Variants in GRIK3 observed in about 807,000 individuals in gnomAD.
GRIK3 encodes glutamate ionotropic receptor kainate type subunit 3.
GRIK3 carries 29 observed loss-of-function variants against 102.5 expected under a neutral mutation model. That is an observed-to-expected ratio of 0.28 (90% CI 0.21 to 0.39). GRIK3 has a LOEUF of 0.39. Ranked by LOEUF, GRIK3 falls within the 10% of genes least tolerant of loss-of-function variation. The probability of loss-of-function intolerance (pLI) is 1.00; values close to 1 mark genes in which losing one functional copy is unlikely to be tolerated. For missense variants in GRIK3, 908 were observed against 1,252.4 expected, an observed-to-expected ratio of 0.73 and a Z score of 4.15; for synonymous variants, 511 against 504.9, an observed-to-expected ratio of 1.01 and a Z score of -0.16.
At chr1:36,912,603 G>A (rs1557722776) in intron 1 of GRIK3, among the ~76,000 whole-genome samples, 1 of 152,038 alleles carries the variant, frequency 6.6e-6, no homozygotes, top group East Asian at 1.9e-4. Flanking sequence ...GGGGGTCCTT[G>A]ACTAAGAGCT....
intron 1 of GRIK3, among the ~76,000 whole-genome samples, chr1:36,985,443 C>T (rs1184130865): frequency 1.9e-4 from 29 of 151,436 alleles, no homozygotes; most frequent in Non-Finnish European, 2.9e-5. Context: ...ACATGGGCCT[C>T]ACAGCATGAT....
intron 15 of GRIK3, among the ~76,000 whole-genome samples, chr1:36,802,530 A>G (rs896262366): frequency 2.6e-5 from 4 of 152,222 alleles, no homozygotes; most frequent in Admixed American, 6.5e-5. Flanking sequence ...GGGAAGAATC[A>G]GTGTCTTCCC....
chr1:36,898,757 AAAG>A (rs546795308), intron 1 of GRIK3, among the ~76,000 whole-genome samples: 283 of 152,306 alleles, frequency 1.9e-3, no homozygotes, highest in African/African-American at 6.4e-3. Context: ...CAGTCTTGAA[AAAG>A]AAGAACAAAG....
chr1:36,974,299 G>A (rs899281336), intron 1 of GRIK3, among the ~76,000 whole-genome samples: 7 of 152,102 alleles, frequency 4.6e-5, no homozygotes, highest in Non-Finnish European at 5.9e-5. Context: ...GACAGAAACC[G>A]CAGTTACTTT....
intron 1 of GRIK3, among the ~76,000 whole-genome samples, chr1:36,995,227 T>C (rs1642407944): frequency 6.6e-6 from 1 of 152,214 alleles, no homozygotes; most frequent in Non-Finnish European, 1.5e-5. Flanking sequence ...ACCCCATCAA[T>C]AATAATCATC....
intron 10 of GRIK3, among the ~76,000 whole-genome samples, chr1:36,830,529 A>G (rs1417695126): frequency 6.6e-6 from 1 of 152,090 alleles, no homozygotes; most frequent in Non-Finnish European, 1.5e-5. Context: ...AAAAGAGGAG[A>G]CCGGGCGCAG....
At chr1:36,943,237 G>A (rs543805836) in intron 1 of GRIK3, among the ~76,000 whole-genome samples, 3 of 151,792 alleles carry the variant, frequency 2.0e-5, no homozygotes, top group Admixed American at 2.0e-4. Context: ...GGGTTGGGGG[G>A]GCTGGGGCAG....
chr1:36,968,181 T>C (rs1441731879), intron 1 of GRIK3, among the ~76,000 whole-genome samples: 2 of 152,142 alleles, frequency 1.3e-5, no homozygotes, highest in Admixed American at 1.3e-4. Flanking sequence ...TTCCTCACAG[T>C]TTCACCTGCT....
At chr1:36,858,692 C>G (rs942957682) in intron 7 of GRIK3, among the ~76,000 whole-genome samples, 1 of 152,164 alleles carries the variant, frequency 6.6e-6, no homozygotes, top group Non-Finnish European at 1.5e-5. Context: ...GCACTTTCCA[C>G]GCAATGTCTA....
intron 6 of GRIK3, among the ~76,000 whole-genome samples, chr1:36,859,462 C>G (rs1339047778): frequency 2.0e-5 from 3 of 152,194 alleles, no homozygotes; most frequent in South Asian, 2.1e-4. Context: ...TGAGCACCCC[C>G]CTCTGCAGCT....
In GRIK3 at chr1:37,005,083, T is replaced by C. The variant is rs74966653; in HGVS notation, c.115+28911A>G. ...GTTTCTCTAATGAGAGAACCCTCAATTCTATTTTCACCTGCTGAACTTAAC... is the reference window on the plus strand; with the variant it reads ...GTTTCTCTAATGAGAGAACCCTCAACTCTATTTTCACCTGCTGAACTTAAC... On this transcript the variant is annotated intron_variant, in intron 1 of 15. Coordinates refer to ENST00000373091, the MANE Select transcript of GRIK3 (RefSeq NM_000831.4). Among the ~76,000 whole-genome samples, 296 of 152,328 alleles carry C rather than the reference T, an allele frequency of 1.9e-3. 1 individual carries two copies. The highest frequency in any genetic ancestry group is 6.7e-3 in the African/African-American group (278 of 41,570).
intron 1 of GRIK3, among the ~76,000 whole-genome samples, chr1:37,017,861 C>T (rs1187451926): frequency 2.0e-5 from 3 of 152,204 alleles, no homozygotes; most frequent in Non-Finnish European, 2.9e-5. Context: ...AGTGAGACCA[C>T]TGACCCTTCA....
chr1:36,927,863 C>T (rs1251794153), intron 1 of GRIK3, among the ~76,000 whole-genome samples: 1 of 151,834 alleles, frequency 6.6e-6, no homozygotes, highest in South Asian at 2.1e-4. Flanking sequence ...ATTGGAGACC[C>T]GGAGCCCCGG....
intron 1 of GRIK3, among the ~76,000 whole-genome samples, chr1:36,906,237 G>T (rs1487539670): frequency 6.6e-6 from 1 of 152,170 alleles, no homozygotes; most frequent in Non-Finnish European, 1.5e-5. Context: ...ATACCAGGGA[G>T]GTTCCCAATT....
intron 10 of GRIK3, among the ~76,000 whole-genome samples, chr1:36,828,800 T>C (rs1642782981): frequency 6.6e-6 from 1 of 152,202 alleles, no homozygotes; most frequent in African/African-American, 2.4e-5. Flanking sequence ...CTTTAACTTT[T>C]GATGGCAAGT....
chr1:36,881,045 A>T (rs1197379531), intron 2 of GRIK3, among the ~76,000 whole-genome samples, 154 bp from the exon 3 acceptor site: 3 of 152,120 alleles, frequency 2.0e-5, no homozygotes, highest in Non-Finnish European at 4.4e-5. Flanking sequence ...CAGTTTCCTC[A>T]TCTGAAAACA....
intron 1 of GRIK3, among the ~76,000 whole-genome samples, chr1:36,917,107 T>C (rs1641410066): frequency 6.6e-6 from 1 of 152,238 alleles, no homozygotes. Flanking sequence ...CAGTGAGGCA[T>C]GGAGTCAAAG....
At chr1:36,972,341 C>G (rs772838054) in intron 1 of GRIK3, among the ~76,000 whole-genome samples, 2 of 152,238 alleles carry the variant, frequency 1.3e-5, no homozygotes, top group Non-Finnish European at 2.9e-5. Context: ...TGGAATGGAC[C>G]AGGCCTTCCG....
chr1:36,879,580 C>T (rs1043227656), intron 3 of GRIK3, among the ~76,000 whole-genome samples: 1 of 152,176 alleles, frequency 6.6e-6, no homozygotes, highest in Non-Finnish European at 1.5e-5. Context: ...TGGTTATCTG[C>T]TAGGTGTGTG....
Sources: gnomAD v4.1 joint callset for allele counts (sites outside exome capture counted in the v4.1 genomes callset) on GRCh38, gnomAD v4.1.1 for gene constraint, MANE v1.5 for transcripts, NCBI Gene and HGNC (gene_info 2026-07-23, HGNC 2026-07-21) for gene names.